ACTR3C: variants seen among roughly 807,000 people sequenced by gnomAD.
The protein encoded by ACTR3C is actin related protein 3C.
ACTR3C carries 18 observed loss-of-function variants against 26.3 expected under a neutral mutation model. That is an observed-to-expected ratio of 0.68 (90% CI 0.47 to 1.01). ACTR3C has a LOEUF of 1.01. ACTR3C is among the 50% of genes least tolerant of loss of function. ACTR3C has a pLI of 0.00. For synonymous variants in ACTR3C, 55 were observed against 94.5 expected (o/e 0.58, Z 2.42); for missense variants, 184 against 250.7 (o/e 0.73, Z 1.80).
At chr7:150,139,270 G>A in the ACTR3C span, among the ~76,000 whole-genome samples, 3 of 152,350 alleles carry the variant, frequency 2.0e-5, no homozygotes, top group South Asian at 4.1e-4. Flanking sequence ...TGAAAAGAGC[G>A]TGCTCTCCAT....
chr7:149,903,701 G>A, the ACTR3C span, among the ~76,000 whole-genome samples: 1 of 150,542 alleles, frequency 6.6e-6, no homozygotes, highest in Non-Finnish European at 1.5e-5. Flanking sequence ...GTCACTACAC[G>A]TAGCTAATTT....
the ACTR3C span, among the ~76,000 whole-genome samples, chr7:150,127,189 C>CACACACAT: frequency 7.1e-6 from 1 of 141,478 alleles, no homozygotes; most frequent in Admixed American, 7.1e-5. Context: ...CACACACACA[C>CACACACAT]GAGCGATGGT....
At chr7:150,298,158 C>A (rs1795101153) in intron 1 of ACTR3C, among the ~76,000 whole-genome samples, 1 of 150,788 alleles carries the variant, frequency 6.6e-6, no homozygotes, top group South Asian at 2.2e-4. Context: ...GCAATACCAA[C>A]CTGGTCACTG....
chr7:149,920,215 GC>G, the ACTR3C span, among the ~76,000 whole-genome samples: 2 of 152,020 alleles, frequency 1.3e-5, no homozygotes, highest in East Asian at 1.9e-4. Flanking sequence ...TAATTCCTGA[GC>G]TTTTGCCCAT....
At chr7:150,111,767 G>A in the ACTR3C span, among the ~76,000 whole-genome samples, 1 of 135,358 alleles carries the variant, frequency 7.4e-6, no homozygotes, top group Admixed American at 7.5e-5. Context: ...CTCTGGGAAA[G>A]GGCAGGGGAA....
At chr7:150,049,207 TC>T in the ACTR3C span, among the ~76,000 whole-genome samples, 2 of 151,810 alleles carry the variant, frequency 1.3e-5, no homozygotes, top group South Asian at 4.2e-4. Context: ...TGGCTTCTCT[TC>T]CCCTCCCGGC....
At chr7:149,984,750 T>C in the ACTR3C span, among the ~76,000 whole-genome samples, 1 of 152,082 alleles carries the variant, frequency 6.6e-6, no homozygotes, top group Non-Finnish European at 1.5e-5. Context: ...GCTTCAGAGT[T>C]GCAGGACATT....
At chr7:150,143,897 C>G in the ACTR3C span, among the ~76,000 whole-genome samples, 11 of 152,346 alleles carry the variant, frequency 7.2e-5, no homozygotes, top group Middle Eastern at 3.4e-3. Context: ...GGGCTGGAAC[C>G]TGGGAGGCTT....
At chr7:149,975,524 G>C in the ACTR3C span, among the ~76,000 whole-genome samples, 1 of 151,882 alleles carries the variant, frequency 6.6e-6, no homozygotes, top group Non-Finnish European at 1.5e-5. Context: ...TAAACCCAAA[G>C]CAAGCAGAAG....
the ACTR3C span, among the ~76,000 whole-genome samples, chr7:150,186,501 CA>C: frequency 6.6e-6 from 1 of 152,098 alleles, no homozygotes; most frequent in African/African-American, 2.4e-5. Context: ...TAGAATTAAT[CA>C]GGATAAAAAA....
chr7:149,929,529 C>CTTT, the ACTR3C span, among the ~76,000 whole-genome samples: 1 of 109,168 alleles, frequency 9.2e-6, no homozygotes, highest in African/African-American at 3.5e-5. Context: ...CCACAAATGA[C>CTTT]TTTTTTTTTT....
the ACTR3C span, among the ~76,000 whole-genome samples, chr7:149,939,079 C>A: frequency 1.3e-5 from 2 of 151,972 alleles, no homozygotes; most frequent in African/African-American, 4.8e-5. Flanking sequence ...CTCCCGGGTT[C>A]AAGCCATTCT....
intron 1 of ACTR3C, among the ~76,000 whole-genome samples, chr7:150,301,778 A>C (rs1795452065): frequency 6.6e-6 from 1 of 151,384 alleles, no homozygotes; most frequent in Admixed American, 6.5e-5. Flanking sequence ...ACAAAAGGAC[A>C]AATACTATAT....
the ACTR3C span, among the ~76,000 whole-genome samples, chr7:149,893,446 A>C: frequency 4.4e-4 from 67 of 152,326 alleles, no homozygotes; most frequent in African/African-American, 1.6e-3. Flanking sequence ...CATTTATTGA[A>C]CACTCTGCTA....
At chr7:150,308,376 G>A (rs113022457) in intron 1 of ACTR3C, among the ~76,000 whole-genome samples, 5,271 of 152,122 alleles carry the variant, frequency 0.035, 328 homozygotes, top group African/African-American at 0.12. Context: ...CCCAATACAA[G>A]CTCGACAATG....
chr7:150,001,892 T>C, the ACTR3C span: 74 of 152,214 alleles, frequency 4.9e-4, no homozygotes, highest in African/African-American at 1.7e-3. Context: ...CGAGGAGTTC[T>C]CATTTGGGAG....
the ACTR3C span, among the ~76,000 whole-genome samples, chr7:150,200,471 ACAAG>A: frequency 1.3e-5 from 2 of 152,236 alleles, no homozygotes; most frequent in African/African-American, 4.8e-5. Flanking sequence ...TAAAAATAAA[ACAAG>A]CAAAAGATTT....
chr7:150,081,065 G>A, the ACTR3C span, among the ~76,000 whole-genome samples: 3 of 152,204 alleles, frequency 2.0e-5, no homozygotes, highest in South Asian at 2.1e-4. Flanking sequence ...TCCTTGCTTC[G>A]TAATAAGACA....
chr7:149,918,365 A>G, the ACTR3C span, among the ~76,000 whole-genome samples: 1 of 152,112 alleles, frequency 6.6e-6, no homozygotes, highest in Non-Finnish European at 1.5e-5. Context: ...CCAAAGCAAA[A>G]AAAATTTTTA....
Sources: allele counts gnomAD v4.1 joint callset (sites outside exome capture counted in the v4.1 genomes callset), GRCh38; gene constraint gnomAD v4.1.1; transcripts MANE v1.5; gene names NCBI Gene and HGNC (gene_info 2026-07-23, HGNC 2026-07-21).